The following IFT81 variants were observed in gnomAD, a reference collection of about 807,000 sequenced individuals.
IFT81 encodes the protein intraflagellar transport 81.
IFT81 carries 72 observed loss-of-function variants against 102.6 expected under a neutral mutation model. The observed-to-expected ratio is 0.70, with a 90% CI of 0.58 to 0.85. The LOEUF is 0.85. Among genes scored for constraint, IFT81 ranks in the 40% least tolerant of loss-of-function variants. The pLI, the probability that IFT81 is intolerant of heterozygous loss-of-function variation, is 0.00. For synonymous variants in IFT81, 237 were observed against 242.7 expected, an observed-to-expected ratio of 0.98 and a Z score of 0.22; for missense variants, 723 against 787.3, an observed-to-expected ratio of 0.92 and a Z score of 0.98.
chr12:110,150,700 C>T (rs1566120829), intron 10 of IFT81, among the ~76,000 whole-genome samples: 1 of 152,120 alleles, frequency 6.6e-6, no homozygotes, highest in African/African-American at 2.4e-5. Context: ...CCAGTAATAC[C>T]ATCAAGAATA....
chr12:110,216,232 C>A (rs1870106523), intron 18 of IFT81, among the ~76,000 whole-genome samples: 1 of 152,022 alleles, frequency 6.6e-6, no homozygotes, highest in South Asian at 2.1e-4. Context: ...GCTCTGTTGC[C>A]CAGGCTGGAG....
Position 110,205,473 on chromosome 12 carries a change from C to A in IFT81, c.1675C>A (p.Gln559Lys). Residue 559 changes from glutamine to lysine, a missense_variant, in exon 16 of 19, where the codon CAA becomes AAA. Physicochemically the swap from Gln to Lys is moderately conservative, Grantham distance 53. Coordinates refer to ENST00000242591, the MANE Select transcript of IFT81 (RefSeq NM_014055.4). ...EVRRLREECL[Q>K]EESRYHYTNC... The stretch of plus-strand genomic sequence containing the variant: ...TAGAAGACTCCGTGAAGAATGTCTT[C>A]AAGAAGAAAGTAGATACCATTATAC... 1 of 1,603,028 alleles carries A rather than the reference C, an allele frequency of 6.2e-7. No individual in the cohort carries two copies. Among genetic ancestry groups the A allele is most frequent in the Non-Finnish European group, 8.5e-7 (1 of 1,176,100 alleles).
chr12:110,210,147 AAAG>A (rs1293316622), intron 18 of IFT81, among the ~76,000 whole-genome samples: 1 of 152,204 alleles, frequency 6.6e-6, no homozygotes, highest in Non-Finnish European at 1.5e-5. Context: ...TAGGAGAAAA[AAAG>A]AAAAAACGTA....
At chr12:110,200,985 A>C (rs898565452) in intron 14 of IFT81, among the ~76,000 whole-genome samples, 1 of 151,996 alleles carries the variant, frequency 6.6e-6, no homozygotes, top group Non-Finnish European at 1.5e-5. Context: ...TACTTTATAA[A>C]CTTCTAATTA....
intron 18 of IFT81, among the ~76,000 whole-genome samples, chr12:110,215,445 T>G (rs1321377374): frequency 1.4e-5 from 2 of 140,836 alleles, no homozygotes; most frequent in African/African-American, 5.6e-5. Flanking sequence ...TCTCTTCTTC[T>G]TCTTCTTCTT....
chr12:110,215,453 CTTTTTT>C (rs556887393), intron 18 of IFT81, among the ~76,000 whole-genome samples: 41 of 61,914 alleles, frequency 6.6e-4, no homozygotes, highest in African/African-American at 3.2e-3. Context: ...TCTTCTTCTT[CTTTTTT>C]TTTTTTTTTT....
At chr12:110,181,933 C>T (rs897943664) in intron 12 of IFT81, among the ~76,000 whole-genome samples, 1 of 152,282 alleles carries the variant, frequency 6.6e-6, no homozygotes, top group Middle Eastern at 3.4e-3. Context: ...TCAACTGGAG[C>T]TGGCTTCATT....
chr12:110,152,517 G>T lies in IFT81; in HGVS notation c.1041+5469G>T, dbSNP rs113177669. ...TTATCTGTTTTTTTGATATTGAGTT[G>T]AGTTCCTTATATATTTTGGATGTTA... On this transcript the variant is annotated intron_variant, in intron 10 of 18. Coordinates refer to ENST00000242591, the MANE Select transcript of IFT81 (RefSeq NM_014055.4). Among the ~76,000 whole-genome samples the T allele has an allele frequency of 2.6e-3, 392 of 152,120 alleles. 2 individuals are homozygous for T. The highest frequency in any genetic ancestry group is 8.5e-3 in the African/African-American group (352 of 41,520).
intron 10 of IFT81, among the ~76,000 whole-genome samples, chr12:110,161,432 G>T (rs936301884): frequency 4.0e-5 from 6 of 150,138 alleles, no homozygotes; most frequent in African/African-American, 1.5e-4. Context: ...ACAGGCGTGA[G>T]CCACCACGCC....
At chr12:110,179,773 T>TATACACACACACACACAC (rs774113734) in intron 11 of IFT81, among the ~76,000 whole-genome samples, 2 of 50,480 alleles carry the variant, frequency 4.0e-5, no homozygotes, top group African/African-American at 5.5e-5. Context: ...TATATATATA[T>TATACACACACACACACAC]ACACACACAC....
At chr12:110,173,514 A>AC (rs1418446609) in intron 11 of IFT81, among the ~76,000 whole-genome samples, 2 of 152,234 alleles carry the variant, frequency 1.3e-5, no homozygotes. Flanking sequence ...GGTTTTGTGG[A>AC]ATAGAAAGCG....
At chr12:110,138,659 C>T (rs1350588214) in intron 8 of IFT81, among the ~76,000 whole-genome samples, 1 of 152,122 alleles carries the variant, frequency 6.6e-6, no homozygotes, top group Non-Finnish European at 1.5e-5. Flanking sequence ...TCTTGAACTC[C>T]CGACCTCAGG....
At chr12:110,202,522 G>A (rs12304355) in intron 14 of IFT81, among the ~76,000 whole-genome samples, 3,514 of 149,790 alleles carry the variant, frequency 0.023, 125 homozygotes, top group African/African-American at 0.081. Flanking sequence ...GTGTGATCTC[G>A]GCTCACTGCA....
chr12:110,181,339 G>T (rs1489288070), intron 12 of IFT81, among the ~76,000 whole-genome samples: 1 of 152,104 alleles, frequency 6.6e-6, no homozygotes, highest in Non-Finnish European at 1.5e-5. Context: ...CTGCATTATT[G>T]TTTACTTCAA....
intron 11 of IFT81, among the ~76,000 whole-genome samples, chr12:110,164,157 A>T (rs932184151): frequency 6.6e-6 from 1 of 152,194 alleles, no homozygotes; most frequent in South Asian, 2.1e-4. Flanking sequence ...ACTTTAAAAA[A>T]ATATAATTGT....
chr12:110,151,238 G>T (rs1185315376), intron 10 of IFT81, among the ~76,000 whole-genome samples: 1 of 152,012 alleles, frequency 6.6e-6, no homozygotes, highest in African/African-American at 2.4e-5. Context: ...CTATAGATTT[G>T]CCTGTCATGC....
intron 10 of IFT81, among the ~76,000 whole-genome samples, chr12:110,159,320 C>T (rs541002983): frequency 1.3e-5 from 2 of 151,998 alleles, no homozygotes; most frequent in Admixed American, 6.6e-5. Context: ...TATACCTGGG[C>T]GTGGTGGTGT....
In IFT81 at chr12:110,143,459, A is replaced by G. The variant is rs1339259407; in HGVS notation, c.859A>G (p.Asn287Asp). Residue 287 changes from asparagine (N) to aspartate (D), a missense_variant, in exon 9 of 19, where the codon AAT becomes GAT. Asn to Asp is a conservative substitution (Grantham distance 23). Transcript: ENST00000242591. ...TGAAAAATTTCCTAAAGAATTAGAAAATAAGAAAAAGGAATTACATTTTTT... is the reference window on the plus strand; with the variant it reads ...TGAAAAATTTCCTAAAGAATTAGAAGATAAGAAAAAGGAATTACATTTTTT... ...VTEKFPKELE[N>D]KKKELHFLQK... The G allele has an allele frequency of 1.3e-6, 2 of 1,551,924 alleles. No individual in the cohort carries two copies. Among genetic ancestry groups the G allele is most frequent in the Non-Finnish European group, 1.7e-6 (2 of 1,159,022 alleles).
intron 12 of IFT81, among the ~76,000 whole-genome samples, chr12:110,185,127 C>G (rs1454411294): frequency 2.0e-5 from 3 of 152,216 alleles, no homozygotes; most frequent in African/African-American, 7.2e-5. Flanking sequence ...TGATTGCACT[C>G]TAGTGCTTAT....
Sources: gnomAD v4.1 joint callset for allele counts (sites outside exome capture counted in the v4.1 genomes callset) on GRCh38, gnomAD v4.1.1 for gene constraint, MANE v1.5 for transcripts, NCBI Gene and HGNC (gene_info 2026-07-23, HGNC 2026-07-21) for gene names.